AKAP19: variants seen among roughly 807,000 people sequenced by gnomAD.
AKAP19 encodes A-kinase anchoring protein 19, also known as small A-kinase anchoring protein.
chr2:190,135,091 A>G, the AKAP19 span, among the ~76,000 whole-genome samples: 2 of 152,160 alleles, frequency 1.3e-5, no homozygotes, highest in Non-Finnish European at 2.9e-5. Context: ...TTTTTATGTT[A>G]GTATTTGGAT....
At chr2:190,195,943 T>TTC in the AKAP19 span, among the ~76,000 whole-genome samples, 277 of 123,296 alleles carry the variant, frequency 2.2e-3, 5 homozygotes, top group South Asian at 0.02. Context: ...GTGTCCAGCT[T>TTC]TTTTTTTTTT....
the AKAP19 span, among the ~76,000 whole-genome samples, chr2:189,967,521 T>G: frequency 6.6e-6 from 1 of 152,212 alleles, no homozygotes; most frequent in African/African-American, 2.4e-5. Context: ...GATGAAAAGA[T>G]TCTTCAAAAA....
the AKAP19 span, among the ~76,000 whole-genome samples, chr2:189,926,469 G>A: frequency 6.6e-6 from 1 of 150,796 alleles, no homozygotes; most frequent in African/African-American, 2.4e-5. Flanking sequence ...TGGGTTTTTA[G>A]TAGAGACGGG....
chr2:189,981,842 G>A, the AKAP19 span, among the ~76,000 whole-genome samples: 2 of 152,126 alleles, frequency 1.3e-5, no homozygotes, highest in African/African-American at 4.8e-5. Context: ...AATCTCATCT[G>A]GTTTGTAAGG....
the AKAP19 span, among the ~76,000 whole-genome samples, chr2:190,162,608 C>T: frequency 6.6e-6 from 1 of 152,092 alleles, no homozygotes; most frequent in Non-Finnish European, 1.5e-5. Context: ...TTGGGTTCTC[C>T]ATCAGTAAAA....
At chr2:190,169,948 G>A in the AKAP19 span, among the ~76,000 whole-genome samples, 1 of 152,162 alleles carries the variant, frequency 6.6e-6, no homozygotes. Context: ...CATAAGATAA[G>A]AGCTGTTAAA....
chr2:190,021,916 C>T, the AKAP19 span, among the ~76,000 whole-genome samples: 12 of 152,062 alleles, frequency 7.9e-5, 1 homozygote, highest in Middle Eastern at 6.3e-3. Context: ...CCAAGAAGTC[C>T]GAGGCTGAGG....
chr2:190,149,518 T>C, the AKAP19 span, among the ~76,000 whole-genome samples: 3 of 152,188 alleles, frequency 2.0e-5, no homozygotes, highest in Non-Finnish European at 4.4e-5. Flanking sequence ...AGATAGGTTG[T>C]GTCATTATTG....
At chr2:190,019,400 G>A in the AKAP19 span, among the ~76,000 whole-genome samples, 21 of 152,204 alleles carry the variant, frequency 1.4e-4, 1 homozygote, top group East Asian at 3.9e-3. Flanking sequence ...GGGCCTTTGG[G>A]TAGGGTCAAA....
At chr2:189,928,195 A>C in the AKAP19 span, among the ~76,000 whole-genome samples, 1 of 152,230 alleles carries the variant, frequency 6.6e-6, no homozygotes, top group East Asian at 1.9e-4. Context: ...TTAGTATCAG[A>C]TATTGGATAT....
chr2:189,917,234 A>T, the AKAP19 span: 1 of 1,141,236 alleles, frequency 8.8e-7, no homozygotes, highest in East Asian at 2.5e-5. Context: ...CTGTCCTTTC[A>T]TCAAGCTTTT....
chr2:189,882,706 G>A, the AKAP19 span, among the ~76,000 whole-genome samples: 4 of 152,200 alleles, frequency 2.6e-5, no homozygotes, highest in South Asian at 6.2e-4. Flanking sequence ...TAAGCTATCA[G>A]TTTACATTGC....
the AKAP19 span, among the ~76,000 whole-genome samples, chr2:189,910,025 T>C: frequency 2.0e-5 from 3 of 152,092 alleles, no homozygotes; most frequent in African/African-American, 7.2e-5. Flanking sequence ...GCTTCCTATG[T>C]ATAAGGTCTT....
the AKAP19 span, among the ~76,000 whole-genome samples, chr2:190,069,889 T>C: frequency 6.6e-6 from 1 of 152,178 alleles, no homozygotes; most frequent in African/African-American, 2.4e-5. Flanking sequence ...CTATCCACTC[T>C]ATTCATAAAG....
chr2:190,189,500 GT>G, the AKAP19 span, among the ~76,000 whole-genome samples: 1 of 152,194 alleles, frequency 6.6e-6, no homozygotes, highest in African/African-American at 2.4e-5. Flanking sequence ...AAGAACAGTT[GT>G]TTTCTATCCT....
chr2:189,997,622 C>T, the AKAP19 span, among the ~76,000 whole-genome samples: 1 of 152,146 alleles, frequency 6.6e-6, no homozygotes, highest in Non-Finnish European at 1.5e-5. Context: ...CACCATGCCC[C>T]ACTAACAGCA....
At chr2:190,162,503 A>T in the AKAP19 span, among the ~76,000 whole-genome samples, 1 of 152,186 alleles carries the variant, frequency 6.6e-6, no homozygotes, top group Non-Finnish European at 1.5e-5. Flanking sequence ...CAAAAACAAT[A>T]CCATGCTTCT....
chr2:189,885,218 G>T, the AKAP19 span, among the ~76,000 whole-genome samples: 1 of 152,140 alleles, frequency 6.6e-6, no homozygotes, highest in Non-Finnish European at 1.5e-5. Context: ...TATAACAGAC[G>T]TGATGCCATA....
chr2:189,954,190 G>T, the AKAP19 span, among the ~76,000 whole-genome samples: 2 of 152,124 alleles, frequency 1.3e-5, no homozygotes, highest in African/African-American at 4.8e-5. Context: ...TAAACAAGTG[G>T]CACACCTACT....
Sources: allele counts gnomAD v4.1 joint callset (sites outside exome capture counted in the v4.1 genomes callset), GRCh38; gene constraint gnomAD v4.1.1; transcripts MANE v1.5; gene names NCBI Gene and HGNC (gene_info 2026-07-23, HGNC 2026-07-21).